Variants in HPCAL1 observed in about 807,000 individuals in gnomAD.
The protein encoded by HPCAL1 is hippocalcin like 1.
HPCAL1 carries 8 observed loss-of-function variants against 17.1 expected under a neutral mutation model. That is an observed-to-expected ratio of 0.47 (90% CI 0.27 to 0.84). The LOEUF is 0.84. Ranked by LOEUF, HPCAL1 falls within the 40% of genes least tolerant of loss-of-function variation. HPCAL1 has a pLI of 0.13. For synonymous variants in HPCAL1, 112 were observed against 111.4 expected, an observed-to-expected ratio of 1.01 and a Z score of -0.03; for missense variants, 165 against 271.1, an observed-to-expected ratio of 0.61 and a Z score of 2.75.
intron 4 of HPCAL1, chr2:10,424,467 A>G (rs996282083): frequency 1.1e-5 from 5 of 469,970 alleles, no homozygotes; most frequent in African/African-American, 1.0e-4. Context: ...ATGATGCCTT[A>G]AAGCTTTTAG....
chr2:10,390,532 G>A (rs185891884), intron 1 of HPCAL1, among the ~76,000 whole-genome samples: 197 of 151,988 alleles, frequency 1.3e-3, no homozygotes, highest in African/African-American at 4.6e-3. Context: ...TCTCCCTAAG[G>A]GACTTTGCTT....
chr2:10,393,425 G>A (rs1483911155), intron 1 of HPCAL1, among the ~76,000 whole-genome samples: 1 of 152,230 alleles, frequency 6.6e-6, no homozygotes, highest in Non-Finnish European at 1.5e-5. Flanking sequence ...CTCCTCTGCG[G>A]AGTCCAGCTC....
chr2:10,403,831 C>G (rs1374270946), intron 2 of HPCAL1, among the ~76,000 whole-genome samples: 1 of 151,990 alleles, frequency 6.6e-6, no homozygotes, highest in African/African-American at 2.4e-5. Flanking sequence ...CTTTCCAGTC[C>G]TTACCTGATC....
rs1177371864 is a variant in HPCAL1 at position 10,396,885 on chromosome 2, C to CAG, written c.-60_-59insAG. The CAG allele has an allele frequency of 2.6e-5, 4 of 152,332 alleles. No individual in the cohort carries two copies. The highest frequency in any genetic ancestry group is 9.6e-5 in the African/African-American group (4 of 41,458). 9.4% of individuals were successfully genotyped at this position (152,332 alleles called of 1,614,324 possible). A position where few individuals can be genotyped will look rare whatever the true frequency, so the allele number is the denominator to read the frequency against. On this transcript the variant is annotated 5_prime_UTR_variant, in exon 2 of 5. Coordinates refer to ENST00000307845, the MANE Select transcript of HPCAL1 (RefSeq NM_002149.4). ...GACGCGGAAACACTCCCTGGAGGTT[C>CAG]TGACCCACTCCCTCTCAGCCTCCGC...
intron 1 of HPCAL1, among the ~76,000 whole-genome samples, chr2:10,318,445 C>T (rs925114015): frequency 6.6e-6 from 1 of 152,220 alleles, no homozygotes; most frequent in South Asian, 2.1e-4. Context: ...CGGTGCCGGA[C>T]AGCCTGTTTT....
At position 10,348,612 on chromosome 2, in the gene HPCAL1, AAT is replaced by A. The variant is rs1553345143; in HGVS notation, c.-111+45449_-111+45450del. 6.7e-4 allele frequency among the ~76,000 whole-genome samples: 100 copies of A among 149,432 alleles called. 1 individual carries two copies. Among genetic ancestry groups the A allele is most frequent in the South Asian group, 1.3e-3 (6 of 4,722 alleles). ...GATCCTGTCTCTACAAAAAAAAAAA[AAT>A]ATATATATATATAAATTAGCCAGGC... is the stretch of plus-strand genomic sequence containing the variant. On this transcript the variant is annotated intron_variant, in intron 1 of 4. Transcript: ENST00000307845.
intron 1 of HPCAL1, among the ~76,000 whole-genome samples, chr2:10,373,810 CCA>C (rs1382870333): frequency 6.6e-6 from 1 of 152,110 alleles, no homozygotes; most frequent in Non-Finnish European, 1.5e-5. Context: ...GGCTCAGCCC[CCA>C]CACTGGGACC....
At chr2:10,391,036 T>C (rs912520604) in intron 1 of HPCAL1, among the ~76,000 whole-genome samples, 53 of 152,204 alleles carry the variant, frequency 3.5e-4, no homozygotes, top group African/African-American at 1.2e-3. Context: ...GCCTACCCGA[T>C]GCCCAGCACT....
rs1277294225 is a variant in HPCAL1, at chr2:10,395,811, T to A, written c.-110-1024T>A. On this transcript the variant is annotated intron_variant, in intron 1 of 4. Transcript: ENST00000307845. The surrounding 1 kb of genome is among the most constrained non-coding windows in gnomAD (Gnocchi z 4.4). Reference sequence around the variant, plus strand: ...TTTTTCCCCGTCTGTCAAATGGGGATGATGATTGTGCCTGCCTCCCAGGGC... The same window carrying A: ...TTTTTCCCCGTCTGTCAAATGGGGAAGATGATTGTGCCTGCCTCCCAGGGC... 1.3e-5 allele frequency among the ~76,000 whole-genome samples: 2 copies of A among 152,074 alleles called. No individual in the cohort carries two copies. The highest frequency in any genetic ancestry group is 3.9e-4 in the East Asian group (2 of 5,194).
At chr2:10,355,047 G>A (rs1156359777) in intron 1 of HPCAL1, among the ~76,000 whole-genome samples, 1 of 152,238 alleles carries the variant, frequency 6.6e-6, no homozygotes, top group African/African-American at 2.4e-5. Context: ...AAGTGGGCAT[G>A]TGTACCATGT....
At chr2:10,351,918 T>A (rs2125464947) in intron 1 of HPCAL1, among the ~76,000 whole-genome samples, 1 of 150,652 alleles carries the variant, frequency 6.6e-6, no homozygotes, top group African/African-American at 2.4e-5. Flanking sequence ...TTTCTTTTTT[T>A]TTTTTTGACG....
rs1664396523 is a variant in HPCAL1, at chr2:10,331,737, C to G, written c.-111+28560C>G. On this transcript the variant is annotated intron_variant, in intron 1 of 4. Transcript: ENST00000307845. This position sits in a 1 kb window ranked among gnomAD's most constrained non-coding sequence, Gnocchi z 5.0. ...CCCCGTCTGGCATGGTGTTTCTAGT[C>G]TTTTGTGGATGGGGACATAAACAAG... Among the ~76,000 whole-genome samples the G allele has an allele frequency of 6.6e-6, 1 of 152,152 alleles. No homozygotes were observed. The highest frequency in any genetic ancestry group is 2.1e-4 in the South Asian group (1 of 4,830).
chr2:10,426,900 C>G lies in HPCAL1; in HGVS notation c.*79C>G. 7.5e-7 allele frequency: 1 copy of G among 1,336,452 alleles called. No homozygotes were observed. The highest frequency in any genetic ancestry group is 1.1e-6 in the Non-Finnish European group (1 of 934,834). The allele number at this position is 1,336,452 out of a possible 1,614,324, so 82.8% of individuals were successfully genotyped here. On this transcript the variant is annotated 3_prime_UTR_variant, in exon 5 of 5. Transcript: ENST00000307845. ...GCTTTGCTTGCAAGAGTGGATGCCC[C>G]GCAATCGTTCCTGCTCTCCCGGGCC...
chr2:10,373,117 G>A (rs1558495903), intron 1 of HPCAL1, among the ~76,000 whole-genome samples: 2 of 152,272 alleles, frequency 1.3e-5, no homozygotes, highest in Admixed American at 6.5e-5. Flanking sequence ...GCTGCGAGCC[G>A]GGGCCGGGGT....
rs2270304 is a variant in HPCAL1 at position 10,423,107 on chromosome 2, G to A, written c.484+19G>A. The A allele has an allele frequency of 0.19, 289,259 of 1,560,162 alleles. 27,570 individuals carry two copies. Among genetic ancestry groups the A allele is most frequent in the African/African-American group, 0.24 (17,691 of 73,996 alleles). The stretch of plus-strand genomic sequence containing the variant: ...AATGACGGTAGTGCGGGGTGGGGGC[G>A]GGGCTGCATGTGTACGCCACGGTAG... On this transcript the variant is annotated intron_variant, in intron 4 of 4. Coordinates refer to ENST00000307845, the MANE Select transcript of HPCAL1 (RefSeq NM_002149.4).
chr2:10,336,767 C>T (rs1025147697), intron 1 of HPCAL1, among the ~76,000 whole-genome samples: 1 of 152,180 alleles, frequency 6.6e-6, no homozygotes, highest in African/African-American at 2.4e-5. Context: ...TCTTTAGAGA[C>T]AGGATATTGC....
chr2:10,376,410 AC>A (rs1667561939), intron 1 of HPCAL1, among the ~76,000 whole-genome samples: 2 of 150,936 alleles, frequency 1.3e-5, no homozygotes, highest in East Asian at 3.9e-4. Flanking sequence ...TGTAAAGTAT[AC>A]CTTAATAAAC....
In HPCAL1 at chr2:10,320,866, C is replaced by T. The variant is rs141717222; in HGVS notation, c.-111+17689C>T. On this transcript the variant is annotated intron_variant, in intron 1 of 4. Transcript: ENST00000307845. The stretch of plus-strand genomic sequence containing the variant: ...GGCTTCTGTTTCTAGCTGGGAGCAA[C>T]AACAGTAAACTAAATAAGCAGATTA... Among the ~76,000 whole-genome samples the T allele has an allele frequency of 4.4e-3, 667 of 152,190 alleles. 9 individuals carry two copies. The highest frequency in any genetic ancestry group is 0.015 in the African/African-American group (628 of 41,516).
At chr2:10,390,446 T>G (rs1394676443) in intron 1 of HPCAL1, among the ~76,000 whole-genome samples, 1 of 152,172 alleles carries the variant, frequency 6.6e-6, no homozygotes, top group East Asian at 1.9e-4. Flanking sequence ...AATTAGTCAT[T>G]TGAAAACCAG....
Sources: gnomAD v4.1 joint callset for allele counts (sites outside exome capture counted in the v4.1 genomes callset) on GRCh38, gnomAD v4.1.1 for gene constraint, Gnocchi (gnomAD v3.1) non-coding constraint, MANE v1.5 for transcripts, NCBI Gene and HGNC (gene_info 2026-07-23, HGNC 2026-07-21) for gene names.